Variants in LAMC1 observed in about 807,000 individuals in gnomAD.
The protein encoded by LAMC1 is laminin subunit gamma-1.
Under a neutral mutation model 173.6 loss-of-function variants are expected in LAMC1, and 38 were observed. The observed-to-expected ratio is 0.22, with a 90% CI of 0.17 to 0.29. The LOEUF (loss-of-function observed/expected upper bound fraction) is 0.29, where lower values mean the gene tolerates loss of function less well. LAMC1 is among the 10% of genes least tolerant of loss of function. LAMC1 has a pLI of 1.00. For synonymous variants in LAMC1, 746 were observed against 749.1 expected (o/e 1.00, Z 0.07); for missense variants, 1,824 against 2,051.8 (o/e 0.89, Z 2.14).
At position 183,142,791 on chromosome 1, in the gene LAMC1, T is replaced by C. The variant is rs1164451896; in HGVS notation, c.*1T>C. 1.2e-6 allele frequency: 2 copies of C among 1,607,768 alleles called. No homozygotes were observed. Among genetic ancestry groups the C allele is most frequent in the Non-Finnish European group, 1.7e-6 (2 of 1,177,040 alleles). ...CACCCCGTCCATTGAAAAGCCCTAG[T>C]GTCTTTAGGGCTGGAAGGCAGCATC... On this transcript the variant is annotated 3_prime_UTR_variant, in exon 28 of 28. Transcript: ENST00000258341.
rs764362315 is a variant in LAMC1, at chr1:183,114,572, C to T, written c.1063C>T (p.Pro355Ser). The part of the protein sequence containing the change: ...NGRSQECYFD[P>S]ELYRSTGHGG... ...TCGATCCCAGGAATGCTACTTCGAC[C>T]CTGAACTCTATCGTTCCACTGGCCA... The change falls in exon 5 of 28, where the codon CCT becomes TCT. Residue 355 changes from proline to serine, a missense_variant. Pro to Ser is a moderately conservative substitution (Grantham distance 74). Transcript: ENST00000258341. The T allele has an allele frequency of 4.5e-5, 72 of 1,614,054 alleles. No individual in the cohort carries two copies. The highest frequency in any genetic ancestry group is 5.9e-5 in the Non-Finnish European group (70 of 1,180,036).
At chr1:183,065,108 C>T (rs1312006607) in intron 1 of LAMC1, among the ~76,000 whole-genome samples, 2 of 151,612 alleles carry the variant, frequency 1.3e-5, no homozygotes, top group Non-Finnish European at 2.9e-5. Flanking sequence ...CAATGTTGAA[C>T]AAAATGACAC....
chr1:183,100,281 C>A (rs1655801118), intron 1 of LAMC1, among the ~76,000 whole-genome samples: 2 of 152,200 alleles, frequency 1.3e-5, no homozygotes, highest in South Asian at 2.1e-4. Context: ...CCTGTCCCTT[C>A]CAACCTAATC....
chr1:183,070,960 A>G (rs550288227), intron 1 of LAMC1, among the ~76,000 whole-genome samples: 2 of 152,180 alleles, frequency 1.3e-5, no homozygotes, highest in Non-Finnish European at 2.9e-5. Context: ...TGTGGGAGAC[A>G]TTTGTTCTCA....
At chr1:183,117,257 A>G in intron 8 of LAMC1, 63 bp from the exon 9 acceptor site, 4 of 1,538,590 alleles carry the variant, frequency 2.6e-6, no homozygotes, top group Non-Finnish European at 3.5e-6. Flanking sequence ...TATGATACAT[A>G]GAGGACCTGA....
chr1:183,038,141 T>C (rs1654032201), intron 1 of LAMC1, among the ~76,000 whole-genome samples: 1 of 151,620 alleles, frequency 6.6e-6, no homozygotes. Flanking sequence ...GTTCAAGCAA[T>C]TGTCCTGCCT....
rs776372396 is a variant in LAMC1, at chr1:183,135,110, A to G, written c.4068A>G (p.Gly1356=). Residue 1356 remains glycine, a synonymous_variant, in exon 24 of 28, where the codon GGA becomes GGG. Coordinates refer to ENST00000258341, the MANE Select transcript of LAMC1 (RefSeq NM_002293.4). ...TCGCTGAAGAAGCTGCAAAGAAGGG[A>G]CGGGATACCTTACAAGAAGCTAATG... ...KALAEEAAKK[G]RDTLQEANDI... The G allele has an allele frequency of 6.2e-7, 1 of 1,614,084 alleles. No individual in the cohort carries two copies. The highest frequency in any genetic ancestry group is 8.5e-7 in the Non-Finnish European group (1 of 1,179,938).
chr1:183,086,226 G>A (rs1655423013), intron 1 of LAMC1, among the ~76,000 whole-genome samples: 1 of 152,216 alleles, frequency 6.6e-6, no homozygotes, highest in South Asian at 2.1e-4. Flanking sequence ...TCACTGTGCA[G>A]CAATGTGCTT....
At chr1:183,131,780 T>C (rs1222214371) in intron 20 of LAMC1, among the ~76,000 whole-genome samples, 2 of 152,248 alleles carry the variant, frequency 1.3e-5, no homozygotes, top group African/African-American at 4.8e-5. Context: ...TACACAATTT[T>C]ATATGTACAT....
chr1:183,115,508 T>C lies in LAMC1; in HGVS notation c.1211-12T>C, dbSNP rs77135055. 8,038 of 1,594,388 alleles carry C rather than the reference T, an allele frequency of 5.0e-3. 389 individuals are homozygous for C. In the African/African-American group the frequency reaches 0.096, roughly 19 times the overall value. ...CGAATTTTTGTTTGACAATAGGCATTTTACATTTTAGGCTCTCTAAGCACA... is the reference window on the plus strand; with the variant it reads ...CGAATTTTTGTTTGACAATAGGCATCTTACATTTTAGGCTCTCTAAGCACA... On this transcript the variant is annotated splice_polypyrimidine_tract_variant and intron_variant, in intron 5 of 27. Transcript: ENST00000258341.
At chr1:183,067,512 G>A (rs959803719) in intron 1 of LAMC1, among the ~76,000 whole-genome samples, 5 of 151,986 alleles carry the variant, frequency 3.3e-5, no homozygotes, top group Admixed American at 6.6e-5. Context: ...TTTGAGAGAC[G>A]GAGTCTCGCT....
chr1:183,105,387 C>G (rs774898182), intron 2 of LAMC1, among the ~76,000 whole-genome samples: 1 of 151,936 alleles, frequency 6.6e-6, no homozygotes, highest in Non-Finnish European at 1.5e-5. Flanking sequence ...ATTTTCCTGT[C>G]CTGATGAGGC....
intron 1 of LAMC1, among the ~76,000 whole-genome samples, chr1:183,036,251 A>G (rs943769658): frequency 6.6e-6 from 1 of 151,860 alleles, no homozygotes; most frequent in Non-Finnish European, 1.5e-5. Flanking sequence ...GGCACTTGCC[A>G]CTGTGCCCAG....
At chr1:183,106,546 C>T (rs1456424212) in intron 2 of LAMC1, among the ~76,000 whole-genome samples, 2 of 152,172 alleles carry the variant, frequency 1.3e-5, no homozygotes, top group Admixed American at 6.5e-5. Context: ...CACCTGGAGC[C>T]TTCTGAAAAC....
chr1:183,124,817 G>T lies in LAMC1; in HGVS notation c.2588G>T (p.Arg863Leu). 6.2e-7 allele frequency: 1 copy of T among 1,614,130 alleles called. No individual in the cohort carries two copies. Among genetic ancestry groups the T allele is most frequent in the South Asian group, 1.1e-5 (1 of 91,074 alleles). ...IYNTAGFYCD[R>L]CKDGFFGNPL... ...AACACTGCTGGCTTCTATTGTGACC[G>T]GTGCAAAGACGGATTTTTTGGAAAT... The change falls in exon 14 of 28, where the codon CGG (arginine) becomes CTG (leucine). Residue 863 changes from arginine (R) to leucine (L), a missense_variant. Transcript: ENST00000258341.
chr1:183,087,745 T>A (rs907272501), intron 1 of LAMC1, among the ~76,000 whole-genome samples: 2 of 152,118 alleles, frequency 1.3e-5, no homozygotes, highest in Admixed American at 1.3e-4. Flanking sequence ...TCTTGGGGGA[T>A]GCCATGTTGA....
chr1:183,040,670 A>C (rs1272134218), intron 1 of LAMC1, among the ~76,000 whole-genome samples: 1 of 152,228 alleles, frequency 6.6e-6, no homozygotes. Context: ...TCTTGACTGA[A>C]GGTAACCCTG....
chr1:183,038,742 G>A (rs1317327707), intron 1 of LAMC1, among the ~76,000 whole-genome samples: 2 of 152,028 alleles, frequency 1.3e-5, no homozygotes, highest in Non-Finnish European at 1.5e-5. Flanking sequence ...CAAAATCCTC[G>A]ACCATTTTAT....
Position 183,137,835 on chromosome 1 carries a change from G to A in LAMC1, c.4473+8G>A. The A allele has an allele frequency of 6.3e-7, 1 of 1,588,884 alleles. No individual in the cohort carries two copies. The highest frequency in any genetic ancestry group is 1.2e-5 in the South Asian group (1 of 86,388). On this transcript the variant is annotated splice_region_variant and intron_variant, in intron 26 of 27. Transcript: ENST00000258341. The stretch of plus-strand genomic sequence containing the variant: ...ATGATGATGGCAGGGATGGTAAGAG[G>A]TTTTGGTATATTTGCTCATTGGCAG...
Sources: gnomAD v4.1 joint callset for allele counts (sites outside exome capture counted in the v4.1 genomes callset) on GRCh38, gnomAD v4.1.1 for gene constraint, MANE v1.5 for transcripts, NCBI Gene and HGNC (gene_info 2026-07-23, HGNC 2026-07-21) for gene names.